Variants in DLG2 observed in about 807,000 individuals in gnomAD.
DLG2 encodes discs large MAGUK scaffold protein 2, also known as disks large homolog 2.
A neutral mutation model predicts 132.5 loss-of-function variants in DLG2; 45 were observed. The ratio of observed to expected loss-of-function variants is 0.34; its 90% confidence interval spans 0.27 to 0.44. DLG2 has a LOEUF of 0.44. Among genes scored for constraint, DLG2 ranks in the 20% least tolerant of loss-of-function variants. The probability of loss-of-function intolerance (pLI) is 1.00; values close to 1 mark genes in which losing one functional copy is unlikely to be tolerated. For missense variants in DLG2, 1,045 were observed against 1,196.9 expected, an observed-to-expected ratio of 0.87 and a Z score of 1.87; for synonymous variants, 424 against 419.6, an observed-to-expected ratio of 1.01 and a Z score of -0.13.
Position 84,914,781 on chromosome 11 carries a change from C to G in DLG2, c.357+196880G>C, listed in dbSNP as rs2092347340. On this transcript the variant is annotated intron_variant, in intron 6 of 27. Transcript: ENST00000376104. ...TTGCTGTGAGGCCCGGAACAAGGCT[C>G]TAAACCTCCATGGCCCAGTCCTTTC... Among the ~76,000 whole-genome samples the G allele has an allele frequency of 2.6e-5, 4 of 152,222 alleles. No homozygotes were observed. In the South Asian group the frequency reaches 8.3e-4, roughly 32 times the overall value.
chr11:84,632,166 A>C (rs1432453944), intron 6 of DLG2, among the ~76,000 whole-genome samples: 1 of 152,128 alleles, frequency 6.6e-6, no homozygotes, highest in Non-Finnish European at 1.5e-5. Context: ...TACTTATACC[A>C]GACTTCAAAC....
intron 7 of DLG2, among the ~76,000 whole-genome samples, chr11:84,318,095 G>A (rs1315392795): frequency 6.6e-6 from 1 of 152,248 alleles, no homozygotes; most frequent in Non-Finnish European, 1.5e-5. Flanking sequence ...GTTTTAAAGT[G>A]AAAGATGCAT....
intron 3 of DLG2, among the ~76,000 whole-genome samples, chr11:85,503,981 A>G (rs147016744): frequency 0.023 from 3,439 of 152,126 alleles, 123 homozygotes; most frequent in African/African-American, 0.078. Flanking sequence ...GCATTTTGTC[A>G]TGTGTCTGTT....
intron 19 of DLG2, among the ~76,000 whole-genome samples, chr11:83,558,237 C>T (rs1260191634): frequency 6.6e-6 from 1 of 152,176 alleles, no homozygotes; most frequent in Non-Finnish European, 1.5e-5. Context: ...TTCAGAATCT[C>T]ATACATTTAA....
intron 7 of DLG2, among the ~76,000 whole-genome samples, chr11:84,432,316 T>C (rs1392245322): frequency 6.6e-6 from 1 of 152,154 alleles, no homozygotes; most frequent in African/African-American, 2.4e-5. Flanking sequence ...GGATTTAAAG[T>C]GCTGATAGAA....
rs552616652 is a variant in DLG2 at position 83,966,131 on chromosome 11, C to CCCAT, written c.1057-667_1057-664dup. On this transcript the variant is annotated intron_variant, in intron 12 of 27. Coordinates refer to ENST00000376104, the MANE Select transcript of DLG2 (RefSeq NM_001142699.3). ...ATAATATTTCTTTGATACACATTTA[C>CCCAT]CCATACAAGTGAAACTGCTGGACCA... 2.4e-4 allele frequency among the ~76,000 whole-genome samples: 37 copies of CCCAT among 152,024 alleles called. 1 individual carries two copies. The East Asian group carries it at 6.4e-3, about 26-fold the overall frequency.
At chr11:84,897,373 C>T (rs1040281049) in intron 6 of DLG2, among the ~76,000 whole-genome samples, 6 of 151,862 alleles carry the variant, frequency 4.0e-5, no homozygotes, top group Middle Eastern at 3.4e-3. Context: ...AACAATAATG[C>T]TATAAGCAAT....
intron 3 of DLG2, among the ~76,000 whole-genome samples, chr11:85,295,484 T>C (rs1226508033): frequency 6.6e-6 from 1 of 152,166 alleles, no homozygotes; most frequent in African/African-American, 2.4e-5. Context: ...TTATGAGACA[T>C]GTAGGTTACA....
At chr11:85,024,567 G>A (rs1221415060) in intron 6 of DLG2, among the ~76,000 whole-genome samples, 2 of 152,098 alleles carry the variant, frequency 1.3e-5, no homozygotes, top group African/African-American at 4.8e-5. Flanking sequence ...TAATTGTCTC[G>A]ACTCTTCATT....
chr11:85,339,809 G>A (rs547899874), intron 3 of DLG2, among the ~76,000 whole-genome samples: 208 of 152,082 alleles, frequency 1.4e-3, no homozygotes, highest in African/African-American at 2.3e-3. Flanking sequence ...GCAAACAACC[G>A]CATCAAAAAG....
chr11:84,119,185 T>G (rs1440334253), intron 9 of DLG2, among the ~76,000 whole-genome samples: 1 of 152,010 alleles, frequency 6.6e-6, no homozygotes, highest in Admixed American at 6.6e-5. Flanking sequence ...AAACGACAGC[T>G]TCTTCAGAAG....
At chr11:83,945,174 G>C (rs2154142052) in intron 14 of DLG2, among the ~76,000 whole-genome samples, 1 of 152,322 alleles carries the variant, frequency 6.6e-6, no homozygotes, top group East Asian at 1.9e-4. Context: ...CACTCAGGAG[G>C]CTGAGGCTTC....
intron 6 of DLG2, among the ~76,000 whole-genome samples, chr11:84,898,705 T>C (rs1008271709): frequency 6.6e-6 from 1 of 151,980 alleles, no homozygotes; most frequent in Non-Finnish European, 1.5e-5. Flanking sequence ...CTAAACTACA[T>C]GGCATACCCT....
intron 6 of DLG2, among the ~76,000 whole-genome samples, chr11:84,911,659 C>G (rs1021544849): frequency 6.6e-6 from 1 of 152,072 alleles, no homozygotes; most frequent in Non-Finnish European, 1.5e-5. Flanking sequence ...TCTAATCTGG[C>G]AAATTATCTT....
At chr11:84,344,273 G>A (rs568210393) in intron 7 of DLG2, among the ~76,000 whole-genome samples, 29 of 152,250 alleles carry the variant, frequency 1.9e-4, no homozygotes, top group Admixed American at 1.9e-3. Context: ...GACCTTGTGT[G>A]TAAAATGTCT....
intron 7 of DLG2, among the ~76,000 whole-genome samples, chr11:84,444,713 T>C (rs1602237436): frequency 6.6e-6 from 1 of 152,194 alleles, no homozygotes; most frequent in African/African-American, 2.4e-5. Flanking sequence ...TCCTTTTCAC[T>C]TGATCTAACT....
intron 8 of DLG2, among the ~76,000 whole-genome samples, chr11:84,218,525 CA>C (rs1384327258): frequency 6.6e-6 from 1 of 152,136 alleles, no homozygotes; most frequent in African/African-American, 2.4e-5. Flanking sequence ...GGAATTTGAG[CA>C]AAAGACATAT....
chr11:84,099,783 C>T (rs908137984), intron 9 of DLG2, among the ~76,000 whole-genome samples: 1 of 131,302 alleles, frequency 7.6e-6, no homozygotes, highest in African/African-American at 2.9e-5. Flanking sequence ...ACATCGCTTT[C>T]TAAAGATATA....
chr11:84,015,123 A>T (rs1006842656), intron 11 of DLG2, among the ~76,000 whole-genome samples: 2 of 152,182 alleles, frequency 1.3e-5, no homozygotes, highest in African/African-American at 4.8e-5. Context: ...AATAAGTGTC[A>T]AAACATATTC....
Sources: gnomAD v4.1 joint callset for allele counts (sites outside exome capture counted in the v4.1 genomes callset) on GRCh38, gnomAD v4.1.1 for gene constraint, MANE v1.5 for transcripts, NCBI Gene and HGNC (gene_info 2026-07-23, HGNC 2026-07-21) for gene names.